The following SHLD1 variants were observed in gnomAD, a reference collection of about 807,000 sequenced individuals.
The protein encoded by SHLD1 is RINN1-REV7-interacting novel NHEJ regulator 3.
A neutral mutation model predicts 5.5 loss-of-function variants in SHLD1; 3 were observed. The ratio of observed to expected loss-of-function variants is 0.54; its 90% CI spans 0.25 to 1.40. The LOEUF (loss-of-function observed/expected upper bound fraction) is 1.40, where lower values mean the gene tolerates loss of function less well. SHLD1 is among the 40% of genes most tolerant of loss of function. The pLI, the probability that SHLD1 is intolerant of heterozygous loss-of-function variation, is 0.15. For missense variants in SHLD1, 210 were observed against 244.4 expected, an observed-to-expected ratio of 0.86 and a Z score of 0.94; for synonymous variants, 92 against 94.3, an observed-to-expected ratio of 0.98 and a Z score of 0.14.
chr20:5,753,102 A>G (rs1315387902), intron 1 of SHLD1, among the ~76,000 whole-genome samples: 1 of 152,114 alleles, frequency 6.6e-6, no homozygotes, highest in Non-Finnish European at 1.5e-5. Flanking sequence ...CCTGGCCGAC[A>G]TAAAATATTT....
chr20:5,853,529 C>G (rs2088039714), intron 2 of SHLD1, among the ~76,000 whole-genome samples: 1 of 152,090 alleles, frequency 6.6e-6, no homozygotes, highest in African/African-American at 2.4e-5. Context: ...CATTCAAGAC[C>G]TTTTATGAAA....
chr20:5,828,311 C>G (rs2087689743), intron 2 of SHLD1, among the ~76,000 whole-genome samples: 1 of 76,870 alleles, frequency 1.3e-5, no homozygotes, highest in Non-Finnish European at 3.6e-5. Flanking sequence ...GTCTCTAGAC[C>G]TTAGAACAGT....
At chr20:5,759,709 G>T (rs1269949828) in intron 1 of SHLD1, among the ~76,000 whole-genome samples, 2 of 151,456 alleles carry the variant, frequency 1.3e-5, no homozygotes, top group Non-Finnish European at 2.9e-5. Context: ...AATTTTTTTT[G>T]TTTGTTTGTT....
At chr20:5,829,691 C>T (rs540303580) in intron 2 of SHLD1, among the ~76,000 whole-genome samples, 44 of 152,314 alleles carry the variant, frequency 2.9e-4, no homozygotes, top group African/African-American at 1.0e-3. Context: ...CAATTCAAAG[C>T]TCAATACTGT....
rs565825452 is a variant in SHLD1, at chr20:5,792,399, T to C, written c.178+19356T>C. On this transcript the variant is annotated intron_variant, in intron 2 of 2. Coordinates refer to ENST00000303142, the MANE Select transcript of SHLD1 (RefSeq NM_152504.4). ...GTAAGATAAGGTTTTGAGTTTGTTC[T>C]TTTTATCTTTTTGTTTGTTTGTTTG... Among the ~76,000 whole-genome samples, 12 of 152,212 alleles carry C rather than the reference T, an allele frequency of 7.9e-5. No individual in the cohort carries two copies. In the South Asian group the frequency reaches 2.5e-3, roughly 32 times the overall value.
chr20:5,841,745 T>A (rs2122469668), intron 2 of SHLD1, among the ~76,000 whole-genome samples: 1 of 152,358 alleles, frequency 6.6e-6, no homozygotes. Context: ...CTTAAACAGC[T>A]TCTTTCTCAT....
At chr20:5,794,608 A>G (rs1049253913) in intron 2 of SHLD1, among the ~76,000 whole-genome samples, 1 of 152,188 alleles carries the variant, frequency 6.6e-6, no homozygotes, top group Non-Finnish European at 1.5e-5. Context: ...AGTGTCATGT[A>G]TATTTGTCAA....
chr20:5,856,530 C>A (rs921242596), intron 2 of SHLD1, among the ~76,000 whole-genome samples: 2 of 152,168 alleles, frequency 1.3e-5, no homozygotes, highest in African/African-American at 4.8e-5. Context: ...TGCAGACTAG[C>A]CCAGATCCAT....
rs759699430 is a variant in SHLD1, at chr20:5,771,944, C to T, written c.-4-918C>T. 19 of 409,696 alleles carry T rather than the reference C, an allele frequency of 4.6e-5. No homozygotes were observed. In the East Asian group the frequency reaches 6.5e-4, roughly 14 times the overall value. 25.4% of individuals were successfully genotyped at this position (409,696 alleles called of 1,614,324 possible). A position where few individuals can be genotyped will look rare whatever the true frequency, so the allele number is the denominator to read the frequency against. On this transcript the variant is annotated intron_variant, in intron 1 of 2. Coordinates refer to ENST00000303142, the MANE Select transcript of SHLD1 (RefSeq NM_152504.4). ...GGCTGGAGTGCAATAGCACGGTCTC[C>T]GCTCACTGCAACCTCCGCTTCGCAA...
intron 2 of SHLD1, among the ~76,000 whole-genome samples, chr20:5,832,094 C>A (rs2087735307): frequency 6.6e-6 from 1 of 152,266 alleles, no homozygotes. Flanking sequence ...GCGCGCACCA[C>A]TGCGCCCAGC....
intron 2 of SHLD1, among the ~76,000 whole-genome samples, chr20:5,817,103 A>T (rs1190460825): frequency 2.0e-5 from 3 of 152,136 alleles, no homozygotes; most frequent in South Asian, 2.1e-4. Flanking sequence ...AACCTTGAGG[A>T]TATTTATAAT....
At chr20:5,859,688 A>C (rs2088135389) in intron 2 of SHLD1, among the ~76,000 whole-genome samples, 1 of 152,254 alleles carries the variant, frequency 6.6e-6, no homozygotes, top group South Asian at 2.1e-4. Flanking sequence ...GTAGTAAAGC[A>C]AATTTTAAAA....
chr20:5,853,648 C>T (rs2122498271), intron 2 of SHLD1, among the ~76,000 whole-genome samples: 2 of 152,126 alleles, frequency 1.3e-5, no homozygotes, highest in Admixed American at 1.3e-4. Context: ...TGTAAGTATA[C>T]CCTCAGTAGT....
intron 1 of SHLD1, among the ~76,000 whole-genome samples, chr20:5,768,790 T>C (rs1477058690): frequency 6.6e-6 from 1 of 152,160 alleles, no homozygotes; most frequent in African/African-American, 2.4e-5. Flanking sequence ...GAATATATCA[T>C]GTGTGTGTAT....
chr20:5,838,695 A>G lies in SHLD1; in HGVS notation c.179-24329A>G, dbSNP rs141636542. On this transcript the variant is annotated intron_variant, in intron 2 of 2. Transcript: ENST00000303142. The stretch of plus-strand genomic sequence containing the variant: ...AGAATTGTTTGAGTCTGTGAGGTGG[A>G]CGTTGCAGCGAGGCAGAGGTTGCAG... 1.4e-3 allele frequency among the ~76,000 whole-genome samples: 208 copies of G among 152,334 alleles called. 1 individual carries two copies. The East Asian group carries it at 0.027, about 20-fold the overall frequency.
At chr20:5,825,920 C>CGACATG (rs2087660318) in intron 2 of SHLD1, among the ~76,000 whole-genome samples, 1 of 152,162 alleles carries the variant, frequency 6.6e-6, no homozygotes. Context: ...ATGCAACTGA[C>CGACATG]GACATGGGGA....
intron 2 of SHLD1, among the ~76,000 whole-genome samples, chr20:5,830,307 A>G (rs2087713081): frequency 2.6e-5 from 4 of 152,232 alleles, no homozygotes; most frequent in Admixed American, 2.0e-4. Context: ...CTGCCACTGT[A>G]TGCATATAAG....
chr20:5,815,228 A>C (rs535391431), intron 2 of SHLD1, among the ~76,000 whole-genome samples: 1 of 152,294 alleles, frequency 6.6e-6, no homozygotes, highest in South Asian at 2.1e-4. Flanking sequence ...AATGATCTTG[A>C]TGCCCGGGAC....
intron 2 of SHLD1, among the ~76,000 whole-genome samples, chr20:5,784,307 CTG>C (rs554909695): frequency 7.2e-5 from 11 of 152,150 alleles, no homozygotes; most frequent in Admixed American, 6.5e-4. Flanking sequence ...TGCAGACTAA[CTG>C]TAACTTCTCT....
Sources: gnomAD v4.1 joint callset for allele counts (sites outside exome capture counted in the v4.1 genomes callset) on GRCh38, gnomAD v4.1.1 for gene constraint, MANE v1.5 for transcripts, NCBI Gene and HGNC (gene_info 2026-07-23, HGNC 2026-07-21) for gene names.